CPQ: variants seen among roughly 807,000 people sequenced by gnomAD.
CPQ encodes Ser-Met dipeptidase.
Under a neutral mutation model 45.7 loss-of-function variants are expected in CPQ, and 37 were observed. The observed-to-expected ratio is 0.81, with a 90% CI of 0.62 to 1.07. The LOEUF is 1.07. Among genes scored for constraint, CPQ ranks in the 50% least tolerant of loss-of-function variants. CPQ has a pLI of 0.00. For synonymous variants in CPQ, 186 were observed against 205.8 expected (o/e 0.90, Z 0.82); for missense variants, 537 against 572.9 (o/e 0.94, Z 0.64).
chr8:96,868,896 G>GT (rs538827407), intron 3 of CPQ, among the ~76,000 whole-genome samples: 45 of 151,744 alleles, frequency 3.0e-4, no homozygotes, highest in Non-Finnish European at 5.7e-4. Flanking sequence ...CTTATTACTG[G>GT]TTTTTTAGTT....
At chr8:97,090,354 G>T (rs1586536255) in intron 7 of CPQ, among the ~76,000 whole-genome samples, 1 of 152,182 alleles carries the variant, frequency 6.6e-6, no homozygotes, top group Admixed American at 6.5e-5. Context: ...TGATGGTGTA[G>T]TTATATAAGT....
chr8:97,019,743 G>A (rs569085145), intron 5 of CPQ, among the ~76,000 whole-genome samples: 1 of 152,216 alleles, frequency 6.6e-6, no homozygotes, highest in East Asian at 1.9e-4. Context: ...TAATTGACCT[G>A]AGAAGTAAGA....
chr8:97,043,130 TG>T (rs1242121470), intron 6 of CPQ, among the ~76,000 whole-genome samples: 2 of 152,194 alleles, frequency 1.3e-5, no homozygotes, highest in Admixed American at 6.5e-5. Context: ...TAAGTCTCTT[TG>T]TAAGTCACTC....
chr8:97,133,986 G>A (rs1812004430), intron 7 of CPQ, among the ~76,000 whole-genome samples: 2 of 152,166 alleles, frequency 1.3e-5, no homozygotes, highest in Middle Eastern at 3.2e-3. Context: ...ATCTCAACTT[G>A]TATACTGCTA....
chr8:96,974,467 A>G (rs1378916047), intron 5 of CPQ, among the ~76,000 whole-genome samples: 1 of 152,174 alleles, frequency 6.6e-6, no homozygotes, highest in Non-Finnish European at 1.5e-5. Flanking sequence ...GGTCATCAAG[A>G]CAGAAAGTCA....
At chr8:96,696,847 C>G in intron 1 of CPQ, among the ~76,000 whole-genome samples, 1 of 152,010 alleles carries the variant, frequency 6.6e-6, no homozygotes, top group Non-Finnish European at 1.5e-5. Context: ...AGATCAATAA[C>G]AAGTAACGAG....
rs141154318 is a variant in CPQ, at chr8:96,958,707, T to G, written c.850-7228T>G. Among the ~76,000 whole-genome samples the G allele has an allele frequency of 4.2e-3, 634 of 152,258 alleles. 2 individuals are homozygous for G. The highest frequency in any genetic ancestry group is 0.015 in the African/African-American group (607 of 41,544). On this transcript the variant is annotated intron_variant, in intron 4 of 7. Coordinates refer to ENST00000220763, the MANE Select transcript of CPQ (RefSeq NM_016134.4). Reference sequence around the variant, plus strand: ...ATCCTGAGCTATCAGTCTAGTAACATGCTCACAGCATGCAACCAGGAATAG... The same window carrying G: ...ATCCTGAGCTATCAGTCTAGTAACAGGCTCACAGCATGCAACCAGGAATAG...
rs142849941 is a variant in CPQ at position 96,647,975 on chromosome 8, CT to C, written c.-35+2574del. Reference sequence around the variant, plus strand: ...CCTTGGTAAGGCACTGCCTCCCAACCTCTTTCTTTATAAGACCAACAACCCC... The same window carrying C: ...CCTTGGTAAGGCACTGCCTCCCAACCCTTTCTTTATAAGACCAACAACCCC... On this transcript the variant is annotated intron_variant, in intron 1 of 7. Transcript: ENST00000220763. Among the ~76,000 whole-genome samples, 782 of 152,296 alleles carry C rather than the reference CT, an allele frequency of 5.1e-3. 5 individuals are homozygous for C. Among genetic ancestry groups the C allele is most frequent in the African/African-American group, 0.017 (718 of 41,560 alleles).
intron 5 of CPQ, among the ~76,000 whole-genome samples, chr8:97,005,174 C>T (rs1277173274): frequency 1.3e-5 from 2 of 150,772 alleles, no homozygotes; most frequent in African/African-American, 2.4e-5. Context: ...CTCCGCCTCC[C>T]GGGTTCAAGC....
intron 1 of CPQ, among the ~76,000 whole-genome samples, chr8:96,754,983 T>G (rs1296195693): frequency 6.6e-6 from 1 of 152,020 alleles, no homozygotes; most frequent in African/African-American, 2.4e-5. Context: ...ATTTATTTGA[T>G]TGTTTAAAAA....
At chr8:96,816,237 C>A (rs1178123362) in intron 2 of CPQ, among the ~76,000 whole-genome samples, 1 of 152,110 alleles carries the variant, frequency 6.6e-6, no homozygotes, top group Admixed American at 6.6e-5. Flanking sequence ...GTCATTTCAA[C>A]AATGTTCACA....
chr8:96,835,961 T>C (rs1219659514), intron 3 of CPQ, among the ~76,000 whole-genome samples: 2 of 152,092 alleles, frequency 1.3e-5, no homozygotes, highest in African/African-American at 4.8e-5. Context: ...AGTATTACAG[T>C]GGATAAAAAG....
chr8:96,859,867 A>G (rs1420780619), intron 3 of CPQ, among the ~76,000 whole-genome samples: 9 of 152,200 alleles, frequency 5.9e-5, no homozygotes. Flanking sequence ...AAAATGAAGT[A>G]CATACATTTT....
At chr8:96,969,861 A>C (rs1354739431) in intron 5 of CPQ, among the ~76,000 whole-genome samples, 3 of 152,224 alleles carry the variant, frequency 2.0e-5, no homozygotes, top group Non-Finnish European at 4.4e-5. Flanking sequence ...GAAAAGAAAG[A>C]GTTTTGGTAT....
intron 2 of CPQ, among the ~76,000 whole-genome samples, chr8:96,812,675 G>A (rs1448100033): frequency 6.6e-6 from 1 of 151,974 alleles, no homozygotes. Context: ...TTGGCAACAG[G>A]GATAGGGCCT....
intron 6 of CPQ, among the ~76,000 whole-genome samples, chr8:97,039,010 G>T (rs1810058914): frequency 6.6e-6 from 1 of 152,120 alleles, no homozygotes. Flanking sequence ...TAGAGATTAT[G>T]TCTTGGTAGG....
chr8:97,051,108 A>C (rs1240652053), intron 6 of CPQ, among the ~76,000 whole-genome samples: 1 of 152,162 alleles, frequency 6.6e-6, no homozygotes, highest in Non-Finnish European at 1.5e-5. Context: ...GTTTAATAAT[A>C]ATAACACTAT....
In CPQ at chr8:96,851,480, G is replaced by A. The variant is rs193105196; in HGVS notation, c.641+16300G>A. ...CAGCTTCTGTTGTCTGGCAAGGGCT[G>A]TTCTCTGCTTCCAAGATGGCACCTT... On this transcript the variant is annotated intron_variant, in intron 3 of 7. Coordinates refer to ENST00000220763, the MANE Select transcript of CPQ (RefSeq NM_016134.4). Among the ~76,000 whole-genome samples, 21 of 152,322 alleles carry A rather than the reference G, an allele frequency of 1.4e-4. No individual in the cohort carries two copies. In the East Asian group the frequency reaches 4.1e-3, roughly 29 times the overall value.
chr8:96,699,022 T>G (rs1475487086), intron 1 of CPQ, among the ~76,000 whole-genome samples: 1 of 152,144 alleles, frequency 6.6e-6, no homozygotes, highest in Non-Finnish European at 1.5e-5. Context: ...TGAAGAGATA[T>G]CTATGCTCCC....
Sources: gnomAD v4.1 joint callset for allele counts (sites outside exome capture counted in the v4.1 genomes callset) on GRCh38, gnomAD v4.1.1 for gene constraint, MANE v1.5 for transcripts, NCBI Gene and HGNC (gene_info 2026-07-23, HGNC 2026-07-21) for gene names.